Variants in PATJ observed in about 807,000 individuals in gnomAD.
The protein encoded by PATJ is inaD-like protein.
A neutral mutation model predicts 224.9 loss-of-function variants in PATJ; 190 were observed. The observed-to-expected ratio is 0.84, with a 90% confidence interval of 0.75 to 0.95. PATJ has a LOEUF of 0.95. PATJ is among the 40% of genes least tolerant of loss of function. PATJ has a pLI of 0.00. For missense variants in PATJ, 2,121 were observed against 2,270.3 expected (o/e 0.93, Z 1.34); for synonymous variants, 769 against 820.3 (o/e 0.94, Z 1.07).
intron 26 of PATJ, 141 bp downstream of exon 26, chr1:61,914,805 C>G (rs546626276): frequency 4.6e-5 from 21 of 452,588 alleles, no homozygotes; most frequent in African/African-American, 4.0e-4. Flanking sequence ...TTTTTCCCTG[C>G]AAATATGACT....
intron 31 of PATJ, among the ~76,000 whole-genome samples, chr1:62,075,287 A>C (rs961571238): frequency 3.3e-5 from 5 of 152,182 alleles, no homozygotes; most frequent in Non-Finnish European, 5.9e-5. Context: ...TTCTTCATGG[A>C]AGTGGAATTT....
chr1:62,032,218 G>C (rs1325343145), intron 29 of PATJ, among the ~76,000 whole-genome samples: 3 of 152,122 alleles, frequency 2.0e-5, no homozygotes, highest in African/African-American at 7.2e-5. Flanking sequence ...GTTCTCAGGT[G>C]GGGGCTGCTC....
At position 61,827,557 on chromosome 1, in the gene PATJ, A is replaced by G; in HGVS notation, c.1954A>G (p.Thr652Ala). 1.2e-6 allele frequency: 2 copies of G among 1,613,948 alleles called. No homozygotes were observed. Among genetic ancestry groups the G allele is most frequent in the South Asian group, 1.1e-5 (1 of 91,056 alleles). ...AGCTTCTGTAGATGAACCAAGGCGC[A>G]CTGAAACCTCTCTTCCTGAGACAGA... ...DEASVDEPRR[T>A]ETSLPETEVD... Residue 652 changes from threonine (T) to alanine (A), a missense_variant, in exon 16 of 44, where the codon ACT (threonine) becomes GCT (alanine). Coordinates refer to ENST00000642238, the MANE Select transcript of PATJ (RefSeq NM_001350145.3).
chr1:61,785,610 A>G (rs1464859070), intron 7 of PATJ, among the ~76,000 whole-genome samples: 1 of 152,212 alleles, frequency 6.6e-6, no homozygotes, highest in African/African-American at 2.4e-5. Context: ...AGTTTAAATG[A>G]AGCCAGCTGT....
intron 3 of PATJ, among the ~76,000 whole-genome samples, chr1:61,763,889 C>T (rs1043434691): frequency 6.6e-6 from 1 of 152,126 alleles, no homozygotes; most frequent in South Asian, 2.1e-4. Flanking sequence ...AACTATTGGC[C>T]TCAAGCAGTC....
At chr1:62,021,081 G>A (rs1440908096) in intron 29 of PATJ, among the ~76,000 whole-genome samples, 1 of 152,086 alleles carries the variant, frequency 6.6e-6, no homozygotes, top group African/African-American at 2.4e-5. Context: ...GCCTGGCTCG[G>A]CCTCCCAAAG....
At chr1:62,061,806 C>A (rs887017765) in intron 31 of PATJ, among the ~76,000 whole-genome samples, 1 of 151,866 alleles carries the variant, frequency 6.6e-6, no homozygotes, top group Non-Finnish European at 1.5e-5. Flanking sequence ...ACTGCAGGCA[C>A]CTGCCACCAT....
rs938401444 is a variant in PATJ at position 62,162,819 on chromosome 1, C to A, written c.*1765C>A. 1 of 200,316 alleles carries A rather than the reference C, an allele frequency of 5.0e-6. No homozygotes were observed. The highest frequency in any genetic ancestry group is 5.2e-5 in the South Asian group (1 of 19,228). 12.4% of individuals were successfully genotyped at this position (200,316 alleles called of 1,614,324 possible). ...AAAATTAGCTGGGTGCAGTGGCAGG[C>A]GCCTGTAATCCCAGCTACTCCGGAG... On this transcript the variant is annotated 3_prime_UTR_variant, in exon 44 of 44. Transcript: ENST00000642238.
chr1:61,956,770 A>G (rs11585194), intron 27 of PATJ, among the ~76,000 whole-genome samples: 52,231 of 152,124 alleles, frequency 0.34, 9,629 homozygotes, highest in Non-Finnish European at 0.39. Context: ...AAATACTTTG[A>G]TTCTTCAAAT....
chr1:61,943,580 C>G (rs10047078), intron 27 of PATJ, among the ~76,000 whole-genome samples: 6,595 of 152,130 alleles, frequency 0.043, 532 homozygotes, highest in African/African-American at 0.15. Context: ...TAAATGAAGC[C>G]GCCGGGAAGC....
At chr1:61,933,059 T>A (rs1208658338) in intron 27 of PATJ, among the ~76,000 whole-genome samples, 1 of 152,210 alleles carries the variant, frequency 6.6e-6, no homozygotes, top group East Asian at 1.9e-4. Context: ...GGTGTCTAAT[T>A]ATCGTAAGAA....
intron 18 of PATJ, among the ~76,000 whole-genome samples, chr1:61,858,688 G>T (rs1664089853): frequency 6.6e-6 from 1 of 152,104 alleles, no homozygotes; most frequent in African/African-American, 2.4e-5. Flanking sequence ...CCCACCTCTA[G>T]CTTTGGGGAT....
chr1:61,785,554 G>A (rs1376552934), intron 7 of PATJ, among the ~76,000 whole-genome samples: 1 of 152,128 alleles, frequency 6.6e-6, no homozygotes, highest in East Asian at 1.9e-4. Context: ...TAAGTGAGAT[G>A]GTACATGAAA....
chr1:62,123,924 T>G (rs1665402272), intron 39 of PATJ, among the ~76,000 whole-genome samples: 1 of 152,070 alleles, frequency 6.6e-6, no homozygotes, highest in South Asian at 2.1e-4. Context: ...GAAATGAAAC[T>G]TGGGGGTCAA....
chr1:62,150,103 T>C (rs1447532955), intron 42 of PATJ, among the ~76,000 whole-genome samples: 1 of 152,160 alleles, frequency 6.6e-6, no homozygotes, highest in African/African-American at 2.4e-5. Flanking sequence ...AGAAGAAACA[T>C]GAATCGAATT....
chr1:61,797,658 A>G (rs1651626110), intron 11 of PATJ, among the ~76,000 whole-genome samples: 2 of 152,246 alleles, frequency 1.3e-5, no homozygotes, highest in South Asian at 4.1e-4. Flanking sequence ...CTCTGAGAGC[A>G]TCTCTAAATG....
chr1:61,778,126 C>T (rs1247946321), intron 7 of PATJ, among the ~76,000 whole-genome samples: 11 of 152,086 alleles, frequency 7.2e-5, no homozygotes, highest in African/African-American at 4.8e-5. Flanking sequence ...GTGATCCTCC[C>T]GCCTTGGCCT....
In PATJ at chr1:62,122,193, C is replaced by T. The variant is rs145428434; in HGVS notation, c.5006-828C>T. 6.1e-3 allele frequency among the ~76,000 whole-genome samples: 918 copies of T among 151,390 alleles called. 11 individuals carry two copies. The highest frequency in any genetic ancestry group is 0.021 in the African/African-American group (865 of 41,262). On this transcript the variant is annotated intron_variant, in intron 38 of 43. Coordinates refer to ENST00000642238, the MANE Select transcript of PATJ (RefSeq NM_001350145.3). ...CAGCCTGGCCAACATGGAGAAACCT[C>T]GCCTGTACTAAAAATACAAAAATTA...
intron 42 of PATJ, among the ~76,000 whole-genome samples, chr1:62,149,783 C>T (rs1161582151): frequency 6.8e-6 from 1 of 148,100 alleles, no homozygotes; most frequent in East Asian, 2.0e-4. Flanking sequence ...CACTCATAAT[C>T]CCACCACTGC....
Sources: allele counts gnomAD v4.1 joint callset (sites outside exome capture counted in the v4.1 genomes callset), GRCh38; gene constraint gnomAD v4.1.1; transcripts MANE v1.5; gene names NCBI Gene and HGNC (gene_info 2026-07-23, HGNC 2026-07-21).